Variants in STPG2 observed in about 807,000 individuals in gnomAD.
STPG2 encodes the protein sperm-tail PG-rich repeat-containing protein 2.
A neutral mutation model predicts 54.2 loss-of-function variants in STPG2; 56 were observed. That is an observed-to-expected ratio of 1.03 (90% CI 0.83 to 1.29). STPG2 has a LOEUF of 1.29. STPG2 is among the 50% of genes most tolerant of loss of function. STPG2 has a pLI of 0.00. For synonymous variants in STPG2, 200 were observed against 181.8 expected, an observed-to-expected ratio of 1.10 and a Z score of -0.81; for missense variants, 596 against 544.9, an observed-to-expected ratio of 1.09 and a Z score of -0.93.
chr4:97,871,380 T>TA (rs1202118968), intron 8 of STPG2, among the ~76,000 whole-genome samples: 4 of 150,534 alleles, frequency 2.7e-5, no homozygotes, highest in Non-Finnish European at 6.0e-5. Flanking sequence ...ATTAACAAAA[T>TA]AATCACACCA....
chr4:97,864,655 C>G (rs533629958), intron 8 of STPG2, among the ~76,000 whole-genome samples: 8 of 152,050 alleles, frequency 5.3e-5, no homozygotes, highest in Non-Finnish European at 5.9e-5. Flanking sequence ...GCCAAAAGAA[C>G]AAAGCTGGAG....
At chr4:97,729,275 T>C (rs1455349628) in intron 9 of STPG2, among the ~76,000 whole-genome samples, 2 of 152,144 alleles carry the variant, frequency 1.3e-5, no homozygotes, top group Non-Finnish European at 2.9e-5. Context: ...TGACTTTTGC[T>C]ATCTTTCAGA....
chr4:97,838,170 A>G (rs1162550271), intron 9 of STPG2, among the ~76,000 whole-genome samples: 6 of 151,544 alleles, frequency 4.0e-5, no homozygotes. Flanking sequence ...ATCCAACCAA[A>G]AAAGGTCTTT....
chr4:97,585,120 AAAAAC>A lies in STPG2; in HGVS notation c.1321-26008_1321-26004del, dbSNP rs1464414054. Among the ~76,000 whole-genome samples the A allele has an allele frequency of 9.2e-3, 1,113 of 121,300 alleles. 59 individuals carry two copies. The highest frequency in any genetic ancestry group is 0.065 in the African/African-American group (1,051 of 16,050). 79.6% of individuals were successfully genotyped at this position (121,300 alleles called of 152,430 possible). A position where few individuals can be genotyped will look rare whatever the true frequency, so the allele number is the denominator to read the frequency against. On this transcript the variant is annotated intron_variant, in intron 10 of 10. Coordinates refer to ENST00000295268, the MANE Select transcript of STPG2 (RefSeq NM_174952.3). ...TATTCTCAAAAAAAAAAAAAAAAAA[AAAAAC>A]AAAACTACAAGTTAACATCCAACAG...
At chr4:98,036,058 A>G (rs186897350) in intron 5 of STPG2, among the ~76,000 whole-genome samples, 3 of 152,172 alleles carry the variant, frequency 2.0e-5, no homozygotes, top group African/African-American at 7.2e-5. Context: ...ACAAACCTAC[A>G]TGTTCTGCAC....
chr4:97,617,194 G>T (rs1440723650), intron 10 of STPG2, among the ~76,000 whole-genome samples: 1 of 151,630 alleles, frequency 6.6e-6, no homozygotes, highest in African/African-American at 2.4e-5. Context: ...ATTTCTGTCT[G>T]TTTTGTTTAA....
intron 4 of STPG2, among the ~76,000 whole-genome samples, chr4:97,527,858 C>A (rs1731318374): frequency 6.6e-6 from 1 of 151,864 alleles, no homozygotes; most frequent in Non-Finnish European, 1.5e-5. Context: ...TTGTTTTTTT[C>A]TTGTAAATTT....
intron 10 of STPG2, among the ~76,000 whole-genome samples, chr4:97,598,049 A>T (rs1187286961): frequency 6.6e-6 from 1 of 152,138 alleles, no homozygotes; most frequent in Non-Finnish European, 1.5e-5. Flanking sequence ...ATTTCAAGAT[A>T]CAAAAATAAT....
chr4:97,745,103 G>C (rs1315239788), intron 9 of STPG2, among the ~76,000 whole-genome samples: 1 of 151,120 alleles, frequency 6.6e-6, no homozygotes, highest in Non-Finnish European at 1.5e-5. Flanking sequence ...AATGTTGTAA[G>C]AAGAGATTGA....
At chr4:97,677,228 T>C (rs1251214813) in intron 10 of STPG2, among the ~76,000 whole-genome samples, 1 of 152,200 alleles carries the variant, frequency 6.6e-6, no homozygotes, top group African/African-American at 2.4e-5. Flanking sequence ...AAAAACACTT[T>C]AAAAGAACTC....
intron 5 of STPG2, among the ~76,000 whole-genome samples, chr4:98,074,414 T>C (rs2110110316): frequency 6.6e-6 from 1 of 152,300 alleles, no homozygotes; most frequent in Admixed American, 6.5e-5. Flanking sequence ...GGGTTTATTT[T>C]GTATTTATCC....
intron 5 of STPG2, among the ~76,000 whole-genome samples, chr4:98,021,596 G>A (rs537366239): frequency 8.5e-5 from 13 of 152,086 alleles, no homozygotes; most frequent in African/African-American, 1.2e-4. Flanking sequence ...CTCATTGATC[G>A]GTCTAATGTT....
intron 5 of STPG2, among the ~76,000 whole-genome samples, chr4:98,030,412 T>C (rs1291909136): frequency 4.6e-5 from 7 of 152,202 alleles, no homozygotes; most frequent in Non-Finnish European, 8.8e-5. Flanking sequence ...TCTGGCTTTA[T>C]ACATTATCAA....
chr4:97,500,225 G>A (rs1392820557), intron 4 of STPG2, among the ~76,000 whole-genome samples: 1 of 152,028 alleles, frequency 6.6e-6, no homozygotes, highest in Non-Finnish European at 1.5e-5. Context: ...TTTTCTGACT[G>A]ATTAGATGAG....
chr4:97,794,209 A>G (rs1176320679), intron 9 of STPG2, among the ~76,000 whole-genome samples: 2 of 152,122 alleles, frequency 1.3e-5, no homozygotes, highest in African/African-American at 4.8e-5. Flanking sequence ...CTTTTAAAAT[A>G]TATTTTCAAT....
At chr4:97,827,317 G>C (rs1728291827) in intron 9 of STPG2, among the ~76,000 whole-genome samples, 1 of 147,202 alleles carries the variant, frequency 6.8e-6, no homozygotes, top group Non-Finnish European at 1.5e-5. Flanking sequence ...CTCACTGCAA[G>C]CTCCTCATCC....
At chr4:97,680,301 A>C (rs1403083177) in intron 10 of STPG2, among the ~76,000 whole-genome samples, 4 of 150,972 alleles carry the variant, frequency 2.6e-5, no homozygotes, top group East Asian at 3.9e-4. Flanking sequence ...CTTTTATTTC[A>C]TTGAGCAGTG....
intron 8 of STPG2, among the ~76,000 whole-genome samples, chr4:97,908,995 C>A (rs780841177): frequency 2.0e-3 from 285 of 145,232 alleles, no homozygotes; most frequent in Non-Finnish European, 3.0e-3. Context: ...TGCACATGTA[C>A]CCTAAAACTT....
At chr4:98,008,775 A>G (rs113950042) in intron 5 of STPG2, among the ~76,000 whole-genome samples, 1 of 151,992 alleles carries the variant, frequency 6.6e-6, no homozygotes, top group Non-Finnish European at 1.5e-5. Flanking sequence ...CTCCACTTAA[A>G]TTGGTGGAGT....
Sources: gnomAD v4.1 joint callset for allele counts (sites outside exome capture counted in the v4.1 genomes callset) on GRCh38, gnomAD v4.1.1 for gene constraint, MANE v1.5 for transcripts, NCBI Gene and HGNC (gene_info 2026-07-23, HGNC 2026-07-21) for gene names.